Variants in ABCG2 observed in about 807,000 individuals in gnomAD.
ABCG2 encodes ATP binding cassette subfamily G member 2 (JR blood group), also known as broad substrate specificity ATP-binding cassette transporter ABCG2.
Under a neutral mutation model 73.5 loss-of-function variants are expected in ABCG2, and 80 were observed. That is an observed-to-expected ratio of 1.09 (90% CI 0.91 to 1.31). The LOEUF (loss-of-function observed/expected upper bound fraction) is 1.31, where lower values mean the gene tolerates loss of function less well. Ranked by LOEUF, ABCG2 falls within the 50% of genes most tolerant of loss-of-function variation. ABCG2 has a pLI of 0.00. For missense variants in ABCG2, 796 were observed against 786.2 expected (o/e 1.01, Z -0.15); for synonymous variants, 269 against 282.4 (o/e 0.95, Z 0.48).
At chr4:88,210,619 A>G (rs1285237765) in intron 1 of ABCG2, among the ~76,000 whole-genome samples, 1 of 146,914 alleles carries the variant, frequency 6.8e-6, no homozygotes, top group Non-Finnish European at 1.5e-5. Flanking sequence ...AAGAGATGGG[A>G]TCTTGCTCTG....
In ABCG2 at chr4:88,143,799, GA is replaced by G. The variant is rs903838220; in HGVS notation, c.-19-3786del. 6.4e-4 allele frequency among the ~76,000 whole-genome samples: 90 copies of G among 139,584 alleles called. 2 individuals carry two copies. Among genetic ancestry groups the G allele is most frequent in the Non-Finnish European group, 3.5e-4 (23 of 65,632 alleles). 91.6% of individuals were successfully genotyped at this position (139,584 alleles called of 152,430 possible). A position where few individuals can be genotyped will look rare whatever the true frequency, so the allele number is the denominator to read the frequency against. On this transcript the variant is annotated intron_variant, in intron 1 of 15. Coordinates refer to ENST00000237612, the MANE Select transcript of ABCG2 (RefSeq NM_004827.3). ...GAAGCACGTTACATCAAAAAGAAAG[GA>G]AAAAAAACAAACTTTAATTCTAACA...
chr4:88,097,996 T>G (rs868574756), intron 12 of ABCG2, among the ~76,000 whole-genome samples: 1 of 152,066 alleles, frequency 6.6e-6, no homozygotes, highest in Non-Finnish European at 1.5e-5. Context: ...ACTGGGACGA[T>G]CGGGATGCCA....
chr4:88,222,612 C>T (rs551624118), intron 1 of ABCG2, among the ~76,000 whole-genome samples: 2 of 152,200 alleles, frequency 1.3e-5, no homozygotes, highest in South Asian at 4.1e-4. Flanking sequence ...GAACCTCTTG[C>T]CTTTGTAAAT....
intron 2 of ABCG2, among the ~76,000 whole-genome samples, chr4:88,135,687 G>A (rs1725200222): frequency 6.6e-6 from 1 of 152,186 alleles, no homozygotes; most frequent in East Asian, 1.9e-4. Context: ...ATTTACCTGT[G>A]TCACTAGCAT....
intron 1 of ABCG2, among the ~76,000 whole-genome samples, chr4:88,187,488 C>G (rs1462817707): frequency 6.6e-6 from 1 of 151,992 alleles, no homozygotes; most frequent in Non-Finnish European, 1.5e-5. Flanking sequence ...TGGTGGGTGC[C>G]TCTAATCCCA....
chr4:88,129,258 T>A (rs1381578420), intron 5 of ABCG2, among the ~76,000 whole-genome samples: 1 of 152,194 alleles, frequency 6.6e-6, no homozygotes, highest in African/African-American at 2.4e-5. Flanking sequence ...GGGAAATCTA[T>A]GTAAATGATA....
intron 1 of ABCG2, among the ~76,000 whole-genome samples, chr4:88,147,838 G>T (rs147102554): frequency 2.5e-4 from 38 of 152,334 alleles, no homozygotes; most frequent in African/African-American, 8.9e-4. Flanking sequence ...CATGAAATTT[G>T]TGAAAGGTAA....
Position 88,174,681 on chromosome 4 carries a change from C to A in ABCG2, c.-19-34667G>T, listed in dbSNP as rs142519383. On this transcript the variant is annotated intron_variant, in intron 1 of 15. Coordinates refer to the ABCG2 transcript ENST00000515655. ...TGCTGGGATTACAGGCGTGAGCCAC[C>A]ATGCCCAGCTGATGATAGTTTCTTT... Among the ~76,000 whole-genome samples, 334 of 152,304 alleles carry A rather than the reference C, an allele frequency of 2.2e-3. 1 individual carries two copies. Among genetic ancestry groups the A allele is most frequent in the African/African-American group, 7.7e-3 (320 of 41,562 alleles).
At chr4:88,109,249 T>C (rs1195056659) in intron 9 of ABCG2, among the ~76,000 whole-genome samples, 1 of 152,040 alleles carries the variant, frequency 6.6e-6, no homozygotes, top group Non-Finnish European at 1.5e-5. Context: ...CTGCCCGCCT[T>C]GGCCTCCCAA....
At chr4:88,095,402 G>A (rs72554044) in intron 14 of ABCG2, 118 bp downstream of exon 14, 10 of 859,616 alleles carry the variant, frequency 1.2e-5, no homozygotes, top group Admixed American at 8.7e-5. Context: ...CTCCTAAAAG[G>A]GAGTTTCTGG....
At chr4:88,189,037 ATTAG>A (rs1728579812) in intron 1 of ABCG2, among the ~76,000 whole-genome samples, 1 of 151,894 alleles carries the variant, frequency 6.6e-6, no homozygotes, top group Non-Finnish European at 1.5e-5. Context: ...AAAACACAAT[ATTAG>A]ATCTTCCAGT....
intron 15 of ABCG2, 74 bp downstream of exon 15, chr4:88,094,503 T>A (rs1057201130): frequency 1.6e-4 from 207 of 1,331,188 alleles, no homozygotes; most frequent in Non-Finnish European, 2.0e-4. Flanking sequence ...CTCATACAGA[T>A]CTAAGCCCAG....
At chr4:88,108,260 T>C (rs1276510459) in intron 9 of ABCG2, among the ~76,000 whole-genome samples, 1 of 152,136 alleles carries the variant, frequency 6.6e-6, no homozygotes, top group African/African-American at 2.4e-5. Flanking sequence ...TGGTGGCTCA[T>C]GCCTGTAATA....
chr4:88,105,294 G>A (rs1306555776), intron 10 of ABCG2, among the ~76,000 whole-genome samples: 5 of 152,210 alleles, frequency 3.3e-5, no homozygotes, highest in East Asian at 1.9e-4. Flanking sequence ...GCACATAAGC[G>A]TCTTCAACTT....
At chr4:88,147,503 G>A (rs1194424049) in intron 1 of ABCG2, among the ~76,000 whole-genome samples, 1 of 152,144 alleles carries the variant, frequency 6.6e-6, no homozygotes, top group Non-Finnish European at 1.5e-5. Flanking sequence ...TTGCAAATCT[G>A]CAATTTCTAA....
intron 1 of ABCG2, among the ~76,000 whole-genome samples, chr4:88,141,620 A>T (rs1725647304): frequency 1.3e-5 from 2 of 152,198 alleles, no homozygotes; most frequent in Admixed American, 6.5e-5. Context: ...AAGAAGGTTA[A>T]ATCCACTCTC....
chr4:88,153,489 G>C (rs370668479), intron 1 of ABCG2, among the ~76,000 whole-genome samples: 26 of 143,590 alleles, frequency 1.8e-4, no homozygotes, highest in African/African-American at 6.5e-4. Flanking sequence ...GCTTGGTGAG[G>C]TGTGTTTTTA....
chr4:88,145,987 G>GA (rs1725970296), intron 1 of ABCG2, among the ~76,000 whole-genome samples: 7 of 152,134 alleles, frequency 4.6e-5, no homozygotes, highest in African/African-American at 1.7e-4. Flanking sequence ...GGAGGAGGGA[G>GA]AGGCAAGTGT....
At chr4:88,097,004 T>C (rs775483260) in intron 13 of ABCG2, among the ~76,000 whole-genome samples, 5 of 152,164 alleles carry the variant, frequency 3.3e-5, no homozygotes, top group Admixed American at 6.5e-5. Flanking sequence ...AGCTAGCAGT[T>C]CAATGCTGTA....
Sources: gnomAD v4.1 joint callset for allele counts (sites outside exome capture counted in the v4.1 genomes callset) on GRCh38, gnomAD v4.1.1 for gene constraint, MANE v1.5 for transcripts, NCBI Gene and HGNC (gene_info 2026-07-23, HGNC 2026-07-21) for gene names.